CNTNAP2: variants seen among roughly 807,000 people sequenced by gnomAD.
CNTNAP2 encodes contactin-associated protein-like 2.
Under a neutral mutation model 155.2 loss-of-function variants are expected in CNTNAP2, and 98 were observed. The observed-to-expected ratio is 0.63, with a 90% CI of 0.54 to 0.75. The LOEUF (loss-of-function observed/expected upper bound fraction) is 0.75. Among genes scored for constraint, CNTNAP2 ranks in the 30% least tolerant of loss-of-function variants. The probability of loss-of-function intolerance (pLI) is 0.00; values close to 1 mark genes in which losing one functional copy is unlikely to be tolerated. For synonymous variants in CNTNAP2, 651 were observed against 631.2 expected, an observed-to-expected ratio of 1.03 and a Z score of -0.47; for missense variants, 1,727 against 1,688.1, an observed-to-expected ratio of 1.02 and a Z score of -0.40.
chr7:147,303,152 G>T (rs62485030), intron 9 of CNTNAP2, among the ~76,000 whole-genome samples: 1 of 152,154 alleles, frequency 6.6e-6, no homozygotes, highest in South Asian at 2.1e-4. Flanking sequence ...TTCACACAAG[G>T]CTGGGTGTGT....
At chr7:147,289,862 T>A (rs781250587) in intron 8 of CNTNAP2, among the ~76,000 whole-genome samples, 1 of 152,094 alleles carries the variant, frequency 6.6e-6, no homozygotes, top group Non-Finnish European at 1.5e-5. Flanking sequence ...GGTTTCCCAT[T>A]GTTTGATGAC....
At chr7:146,448,315 A>G (rs1043622319) in intron 1 of CNTNAP2, among the ~76,000 whole-genome samples, 1 of 151,990 alleles carries the variant, frequency 6.6e-6, no homozygotes, top group Non-Finnish European at 1.5e-5. Context: ...TGGCTACTAC[A>G]ATTGGGTCTC....
intron 12 of CNTNAP2, among the ~76,000 whole-genome samples, chr7:147,578,666 T>C (rs544148949): frequency 1.3e-5 from 2 of 152,262 alleles, no homozygotes; most frequent in Admixed American, 6.5e-5. Flanking sequence ...TTTTCTACCA[T>C]AGTGGAAAAT....
At chr7:147,165,599 T>C (rs1236991464) in intron 8 of CNTNAP2, among the ~76,000 whole-genome samples, 1 of 152,208 alleles carries the variant, frequency 6.6e-6, no homozygotes, top group African/African-American at 2.4e-5. Flanking sequence ...TGTTATCTTA[T>C]AGAATTTTTA....
chr7:146,385,608 C>T (rs922133881), intron 1 of CNTNAP2, among the ~76,000 whole-genome samples: 3 of 152,132 alleles, frequency 2.0e-5, no homozygotes, highest in Admixed American at 6.5e-5. Context: ...TTTATTTGAT[C>T]TTCTCACCTA....
chr7:146,184,882 A>C (rs1012574582), intron 1 of CNTNAP2, among the ~76,000 whole-genome samples: 1 of 152,196 alleles, frequency 6.6e-6, no homozygotes. Context: ...GAGTGAGATA[A>C]ACATCAAAAG....
intron 11 of CNTNAP2, among the ~76,000 whole-genome samples, chr7:147,516,848 C>CTTT (rs1221666617): frequency 0.02 from 2,273 of 112,560 alleles, 108 homozygotes; most frequent in African/African-American, 0.075. Flanking sequence ...TCTTTCTTTT[C>CTTT]TTTTTTTTTT....
At chr7:146,996,076 T>A (rs1158664022) in intron 3 of CNTNAP2, among the ~76,000 whole-genome samples, 1 of 152,120 alleles carries the variant, frequency 6.6e-6, no homozygotes, top group African/African-American at 2.4e-5. Flanking sequence ...TTTTAATTGA[T>A]TTTATATATG....
At chr7:147,369,997 G>A (rs552737096) in intron 9 of CNTNAP2, among the ~76,000 whole-genome samples, 41 of 152,226 alleles carry the variant, frequency 2.7e-4, no homozygotes, top group Admixed American at 1.2e-3. Context: ...TCCTGTTCCA[G>A]CCCTTGTTGC....
intron 1 of CNTNAP2, among the ~76,000 whole-genome samples, chr7:146,589,996 G>A (rs1432744066): frequency 6.6e-6 from 1 of 152,138 alleles, no homozygotes; most frequent in Non-Finnish European, 1.5e-5. Flanking sequence ...CATTACTTTG[G>A]CCAGAACTCA....
At chr7:147,094,379 G>A (rs1327078424) in intron 4 of CNTNAP2, among the ~76,000 whole-genome samples, 1 of 149,244 alleles carries the variant, frequency 6.7e-6, no homozygotes, top group Non-Finnish European at 1.5e-5. Context: ...GAATAATGTA[G>A]CCTTTTATTA....
At chr7:147,005,149 A>T (rs938859022) in intron 3 of CNTNAP2, among the ~76,000 whole-genome samples, 2 of 152,042 alleles carry the variant, frequency 1.3e-5, no homozygotes, top group African/African-American at 4.8e-5. Flanking sequence ...GGTAAGATTC[A>T]AATACTTGTT....
intron 2 of CNTNAP2, among the ~76,000 whole-genome samples, chr7:146,788,582 C>T (rs560757767): frequency 1.6e-3 from 240 of 152,114 alleles, no homozygotes; most frequent in Non-Finnish European, 2.9e-3. Flanking sequence ...TACCACTGCC[C>T]CCACCACATT....
At chr7:146,410,005 G>A (rs1230432379) in intron 1 of CNTNAP2, among the ~76,000 whole-genome samples, 1 of 152,182 alleles carries the variant, frequency 6.6e-6, no homozygotes, top group East Asian at 1.9e-4. Flanking sequence ...CCTTAAGTGA[G>A]AAAGTTGGGG....
intron 1 of CNTNAP2, among the ~76,000 whole-genome samples, chr7:146,338,599 C>T (rs1381641416): frequency 6.6e-6 from 1 of 152,068 alleles, no homozygotes; most frequent in Non-Finnish European, 1.5e-5. Flanking sequence ...ACCTCCACTC[C>T]CCTTACCTAG....
intron 3 of CNTNAP2, among the ~76,000 whole-genome samples, chr7:146,874,384 G>A (rs1441139001): frequency 6.6e-6 from 1 of 151,878 alleles, no homozygotes; most frequent in East Asian, 1.9e-4. Context: ...TGTCACCAAG[G>A]CTGGAAGTGC....
chr7:147,566,729 T>G (rs1021939246), intron 12 of CNTNAP2, among the ~76,000 whole-genome samples: 3 of 152,138 alleles, frequency 2.0e-5, no homozygotes, highest in Admixed American at 2.0e-4. Context: ...CCCTCAACAC[T>G]TGGGAATTGT....
chr7:147,327,560 T>A (rs1795483002), intron 9 of CNTNAP2, among the ~76,000 whole-genome samples: 2 of 152,336 alleles, frequency 1.3e-5, no homozygotes, highest in African/African-American at 4.8e-5. Flanking sequence ...AAATGTCAGA[T>A]TAGCTACATT....
chr7:146,994,205 T>A (rs950812136), intron 3 of CNTNAP2, among the ~76,000 whole-genome samples: 1 of 151,672 alleles, frequency 6.6e-6, no homozygotes, highest in African/African-American at 2.4e-5. Context: ...GGGTTTTGAT[T>A]TTTTTTTAAA....
Sources: gnomAD v4.1 joint callset for allele counts (sites outside exome capture counted in the v4.1 genomes callset) on GRCh38, gnomAD v4.1.1 for gene constraint, MANE v1.5 for transcripts, NCBI Gene and HGNC (gene_info 2026-07-23, HGNC 2026-07-21) for gene names.